TARDBP: variants seen among roughly 807,000 people sequenced by gnomAD.
TARDBP encodes the protein TAR DNA-binding protein 43.
A neutral mutation model predicts 38.3 loss-of-function variants in TARDBP; 4 were observed. That is an observed-to-expected ratio of 0.10 (90% CI 0.05 to 0.24). The LOEUF (loss-of-function observed/expected upper bound fraction) is 0.24, where lower values mean the gene tolerates loss of function less well. Among genes scored for constraint, TARDBP ranks in the 10% least tolerant of loss-of-function variants. The probability of loss-of-function intolerance (pLI) is 1.00; values close to 1 mark genes in which losing one functional copy is unlikely to be tolerated. For synonymous variants in TARDBP, 184 were observed against 183.8 expected, an observed-to-expected ratio of 1.00 and a Z score of -0.01; for missense variants, 202 against 521.9, an observed-to-expected ratio of 0.39 and a Z score of 5.97.
chr1:11,013,207 A>G (rs1643446644), intron 1 of TARDBP, among the ~76,000 whole-genome samples: 1 of 152,212 alleles, frequency 6.6e-6, no homozygotes, highest in Admixed American at 6.5e-5. Context: ...AAAATGAGGA[A>G]CAGAGGGAAA....
In TARDBP at chr1:11,020,455, C is replaced by T. The variant is rs147772554; in HGVS notation, c.570C>T (p.Ser190=). 9 of 1,613,942 alleles carry T rather than the reference C, an allele frequency of 5.6e-6. No homozygotes were observed. The highest frequency in any genetic ancestry group is 7.6e-6 in the Non-Finnish European group (9 of 1,180,010). Residue 190 remains serine (S), a synonymous_variant, in exon 5 of 6, where the codon AGC becomes AGT. Transcript: ENST00000240185. ...SKQSQDEPLR[S]RKVFVGRCTE... ...AAAGCCAAGATGAGCCTTTGAGAAG[C>T]AGAAAAGTGTTTGTGGGGCGCTGTA...
Position 11,022,752 on chromosome 1 carries a change from T to G in TARDBP, c.*98T>G, listed in dbSNP as rs550403167. ...GTAAAATACATATGTACTAAGAATT[T>G]TCAAAATTGGTTTGTTCAGTGTGGA... On this transcript the variant is annotated 3_prime_UTR_variant, in exon 6 of 6. Coordinates refer to ENST00000240185, the MANE Select transcript of TARDBP (RefSeq NM_007375.4). This position sits in a 1 kb window ranked among gnomAD's most constrained non-coding sequence, Gnocchi z 4.5. 11 of 1,498,908 alleles carry G rather than the reference T, an allele frequency of 7.3e-6. No homozygotes were observed. In the South Asian group the frequency reaches 1.6e-4, roughly 21 times the overall value. The allele number at this position is 1,498,908 out of a possible 1,614,324, so 92.9% of individuals were successfully genotyped here. A position where few individuals can be genotyped will look rare whatever the true frequency, so the allele number is the denominator to read the frequency against.
chr1:11,013,422 A>G (rs1643453626), intron 1 of TARDBP, among the ~76,000 whole-genome samples: 1 of 143,340 alleles, frequency 7.0e-6, no homozygotes, highest in Non-Finnish European at 1.5e-5. Context: ...TGCATACCCT[A>G]GCTTGTAACC....
rs1047718042 is a variant in TARDBP at position 11,021,194 on chromosome 1, G to A, written c.714+595G>A. ...GCTCTTGTTGCCCGGGCTGGAGTGT[G>A]ATGGCGCGATCTTGGCTCGCTGCAT... is the stretch of plus-strand genomic sequence containing the variant. On this transcript the variant is annotated intron_variant, in intron 5 of 5. Coordinates refer to ENST00000240185, the MANE Select transcript of TARDBP (RefSeq NM_007375.4). Among the ~76,000 whole-genome samples, 4 of 151,318 alleles carry A rather than the reference G, an allele frequency of 2.6e-5. No homozygotes were observed. In the East Asian group the frequency reaches 7.8e-4, roughly 29 times the overall value.
chr1:11,030,163 A>G (rs1206775779), downstream of TARDBP: 2 of 1,596,284 alleles, frequency 1.3e-6, no homozygotes, highest in Non-Finnish European at 1.7e-6. Context: ...TCTTGTATAA[A>G]TGTATCCATT....
chr1:11,022,354 G>T lies in TARDBP; in HGVS notation c.945G>T (p.Ala315=). 1.2e-6 allele frequency: 2 copies of T among 1,613,928 alleles called. No homozygotes were observed. The highest frequency in any genetic ancestry group is 1.7e-6 in the Non-Finnish European group (2 of 1,179,854). Residue 315 remains alanine (A), a synonymous_variant, in exon 6 of 6, where the codon GCG becomes GCT. Transcript: ENST00000240185. This position sits in a 1 kb window ranked among gnomAD's most constrained non-coding sequence, Gnocchi z 4.5. ...TGGGTGGTGGGATGAACTTTGGTGC[G>T]TTCAGCATTAATCCAGCCATGATGG... is the stretch of plus-strand genomic sequence containing the variant. The part of the protein sequence containing the change: ...SNMGGGMNFG[A]FSINPAMMAA...
chr1:11,030,166 T>C, downstream of TARDBP: 2 of 1,600,784 alleles, frequency 1.2e-6, no homozygotes, highest in Non-Finnish European at 1.7e-6. Context: ...TGTATAAATG[T>C]ATCCATTACC....
At chr1:11,027,570 T>C, downstream of TARDBP, 1 of 1,614,206 alleles carries the variant, frequency 6.2e-7, no homozygotes, top group East Asian at 2.2e-5. Context: ...TATCAGGACT[T>C]GCCAAGGAAA....
intron 1 of TARDBP, among the ~76,000 whole-genome samples, chr1:11,013,131 C>T (rs1158392861): frequency 1.3e-5 from 2 of 152,240 alleles, no homozygotes; most frequent in East Asian, 1.9e-4. Context: ...GAGGCGACGG[C>T]CGGCACCGCC....
chr1:11,018,917 T>G (rs770506111), intron 4 of TARDBP, 44 bp downstream of exon 4: 2 of 1,612,984 alleles, frequency 1.2e-6, no homozygotes, highest in East Asian at 4.5e-5. Flanking sequence ...ACAAACTTCC[T>G]TAGAGGATTG....
chr1:11,020,440 T>G lies in TARDBP; in HGVS notation c.555T>G (p.Asp185Glu). 1 of 1,614,150 alleles carries G rather than the reference T, an allele frequency of 6.2e-7. No individual in the cohort carries two copies. Among genetic ancestry groups the G allele is most frequent in the Non-Finnish European group, 8.5e-7 (1 of 1,180,022 alleles). The change falls in exon 5 of 6, where the codon GAT becomes GAG. Residue 185 changes from aspartate (D) to glutamate (E), a missense_variant. Asp to Glu is a conservative substitution (Grantham distance 45, BLOSUM62 2). Around this residue, in one of 5 missense-constraint regions of TARDBP, gnomAD observed 71 missense variants for 185.4 expected, o/e 0.38. Transcript: ENST00000240185. Reference protein sequence around the residue: ...CKLPNSKQSQDEPLRSRKVFV... With the variant: ...CKLPNSKQSQEEPLRSRKVFV... ...TTTGATTTGATCAGCAAAGCCAAGATGAGCCTTTGAGAAGCAGAAAAGTGT... is the reference window on the plus strand; with the variant it reads ...TTTGATTTGATCAGCAAAGCCAAGAGGAGCCTTTGAGAAGCAGAAAAGTGT...
chr1:11,016,833 G>A lies in TARDBP; in HGVS notation c.239-11G>A, dbSNP rs200694980. ...GAAGATTTCTAAAAGGTTTCTGCTC[G>A]TTTTATTTAGATAACAAAAGAAAAA... On this transcript the variant is annotated splice_polypyrimidine_tract_variant and intron_variant, in intron 2 of 5. Transcript: ENST00000240185. 1.2e-5 allele frequency: 20 copies of A among 1,613,518 alleles called. No individual in the cohort carries two copies. Among genetic ancestry groups the A allele is most frequent in the East Asian group, 8.9e-5 (4 of 44,866 alleles).
At chr1:11,018,694 A>C in intron 3 of TARDBP, 39 bp from the exon 4 acceptor site, 2 of 1,611,866 alleles carry the variant, frequency 1.2e-6, no homozygotes, top group East Asian at 2.2e-5. Context: ...GTGTGTGAGT[A>C]TGTGCACTTT....
intron 4 of TARDBP, 38 bp downstream of exon 4, chr1:11,018,911 A>C (rs1211821000): frequency 3.7e-6 from 6 of 1,613,666 alleles, no homozygotes; most frequent in Non-Finnish European, 5.1e-6. Context: ...TTGCCAACAA[A>C]CTTCCTTAGA....
At chr1:11,021,743 G>T (rs1643642958) in intron 5 of TARDBP, among the ~76,000 whole-genome samples, 1 of 152,184 alleles carries the variant, frequency 6.6e-6, no homozygotes. Flanking sequence ...TAGGACAGAT[G>T]CATGCCACTA....
intron 2 of TARDBP, 40 bp downstream of exon 2, chr1:11,014,005 G>A: frequency 6.3e-7 from 1 of 1,586,696 alleles, no homozygotes; most frequent in South Asian, 1.1e-5. Context: ...GCTGAAGTGT[G>A]TTCAGGTGTG....
Position 11,018,876 on chromosome 1 carries a change from A to G in TARDBP, c.543+3A>G, listed in dbSNP as rs1343284848. On this transcript the variant is annotated splice_donor_region_variant and intron_variant, in intron 4 of 5. Coordinates refer to ENST00000240185, the MANE Select transcript of TARDBP (RefSeq NM_007375.4). Reference sequence around the variant, plus strand: ...ACTGCAAACTTCCTAATTCTAAGGTACTTGCGTCTGTGCTTTGGGAATTTT... The same window carrying G: ...ACTGCAAACTTCCTAATTCTAAGGTGCTTGCGTCTGTGCTTTGGGAATTTT... 6.2e-7 allele frequency: 1 copy of G among 1,613,926 alleles called. No homozygotes were observed. Among genetic ancestry groups the G allele is most frequent in the Non-Finnish European group, 8.5e-7 (1 of 1,180,038 alleles).
intron 2 of TARDBP, among the ~76,000 whole-genome samples, chr1:11,015,357 G>T (rs1484101350): frequency 6.6e-6 from 1 of 151,844 alleles, no homozygotes; most frequent in Non-Finnish European, 1.5e-5. Context: ...GTGGTGGTTC[G>T]CGCCTGTAGT....
At chr1:11,020,991 AGT>A (rs1643626026) in intron 5 of TARDBP, among the ~76,000 whole-genome samples, 1 of 152,182 alleles carries the variant, frequency 6.6e-6, no homozygotes, top group Non-Finnish European at 1.5e-5. Context: ...TTCTTAGCTA[AGT>A]TTTCTGACCT....
Sources: allele counts gnomAD v4.1 joint callset (sites outside exome capture counted in the v4.1 genomes callset), GRCh38; gene constraint gnomAD v4.1.1; regional missense constraint gnomAD v4.1.1; non-coding constraint Gnocchi (gnomAD v3.1); transcripts MANE v1.5; gene names NCBI Gene and HGNC (gene_info 2026-07-23, HGNC 2026-07-21).